RXRA: variants seen among roughly 807,000 people sequenced by gnomAD.
The protein encoded by RXRA is retinoic acid receptor RXR-alpha.
A neutral mutation model predicts 44.5 loss-of-function variants in RXRA; 5 were observed. The observed-to-expected ratio is 0.11, with a 90% CI of 0.06 to 0.24. The LOEUF (loss-of-function observed/expected upper bound fraction) is 0.24, where lower values mean the gene tolerates loss of function less well. RXRA is among the 10% of genes least tolerant of loss of function. RXRA has a pLI of 1.00. For synonymous variants in RXRA, 291 were observed against 271.4 expected (o/e 1.07, Z -0.71); for missense variants, 412 against 646.5 (o/e 0.64, Z 3.93).
chr9:134,424,526 C>T, intron 6 of RXRA: 4 of 985,424 alleles, frequency 4.1e-6, no homozygotes, highest in Non-Finnish European at 3.6e-6. Context: ...AGTCCCAGCC[C>T]CACTACCCAC....
chr9:134,415,899 C>T (rs1439718743), intron 4 of RXRA, among the ~76,000 whole-genome samples: 4 of 152,196 alleles, frequency 2.6e-5, no homozygotes, highest in East Asian at 1.9e-4. Context: ...TCTGGCTCTG[C>T]GGTTTACTCA....
rs1190847980 is a variant in RXRA, at chr9:134,433,960, G to A, written c.1136-142G>A. The A allele has an allele frequency of 2.3e-5, 14 of 614,786 alleles. No homozygotes were observed. The highest frequency in any genetic ancestry group is 1.2e-4 in the South Asian group (6 of 51,140). The allele number at this position is 614,786 out of a possible 1,614,324, so 38.1% of individuals were successfully genotyped here. The stretch of plus-strand genomic sequence containing the variant: ...CCAGGCTCTGGGGGAGCGGGCGGAG[G>A]CATGTCCAGCGGCATTCCTCCACCA... On this transcript the variant is annotated intron_variant, in intron 8 of 9. Transcript: ENST00000481739. This position sits in a 1 kb window ranked among gnomAD's most constrained non-coding sequence, Gnocchi z 4.2.
At chr9:134,372,838 C>G (rs1274284366) in intron 1 of RXRA, among the ~76,000 whole-genome samples, 1 of 152,220 alleles carries the variant, frequency 6.6e-6, no homozygotes, top group East Asian at 1.9e-4. Context: ...GGCGGTAGCT[C>G]AGGCTCTCTG....
At position 134,407,620 on chromosome 9, in the gene RXRA, C is replaced by T. The variant is rs532425525; in HGVS notation, c.280-529C>T. 9.4e-4 allele frequency among the ~76,000 whole-genome samples: 143 copies of T among 152,158 alleles called. No individual in the cohort carries two copies. The highest frequency in any genetic ancestry group is 3.2e-3 in the African/African-American group (134 of 41,510). Reference sequence around the variant, plus strand: ...GTGTCCACTCCCCTCTCCTGGGTCACGTGACCAGGGCCCCTGCCCTGCGGT... The same window carrying T: ...GTGTCCACTCCCCTCTCCTGGGTCATGTGACCAGGGCCCCTGCCCTGCGGT... On this transcript the variant is annotated intron_variant, in intron 2 of 9. Transcript: ENST00000481739. This position sits in a 1 kb window ranked among gnomAD's most constrained non-coding sequence, Gnocchi z 4.8.
intron 1 of RXRA, among the ~76,000 whole-genome samples, chr9:134,360,025 G>C (rs1830329864): frequency 6.6e-6 from 1 of 152,218 alleles, no homozygotes; most frequent in Non-Finnish European, 1.5e-5. Flanking sequence ...GCGGGGAATG[G>C]AGCGGTAACC....
At chr9:134,341,301 A>G (rs1236544585) in intron 1 of RXRA, among the ~76,000 whole-genome samples, 5 of 151,842 alleles carry the variant, frequency 3.3e-5, no homozygotes, top group African/African-American at 1.2e-4. Flanking sequence ...CGGGATTTGA[A>G]CCCAGATTCT....
chr9:134,387,717 C>T (rs1387754009), intron 1 of RXRA, among the ~76,000 whole-genome samples: 2 of 152,214 alleles, frequency 1.3e-5, no homozygotes, highest in Admixed American at 6.5e-5. Flanking sequence ...AAGCAGCAGG[C>T]GTGCGGCGTG....
intron 6 of RXRA, chr9:134,425,712 T>A: frequency 1.0e-6 from 1 of 985,276 alleles, no homozygotes; most frequent in Non-Finnish European, 1.2e-6. Context: ...TGCCCACATC[T>A]CTGGCCCCAG....
chr9:134,420,025 A>G (rs575047124), intron 5 of RXRA, among the ~76,000 whole-genome samples: 10 of 152,142 alleles, frequency 6.6e-5, no homozygotes, highest in South Asian at 2.1e-4. Flanking sequence ...CTTCCTACCC[A>G]TGGCACCAGC....
Position 134,400,386 on chromosome 9 carries a change from C to T in RXRA, c.29-1246C>T, listed in dbSNP as rs73665821. Reference sequence around the variant, plus strand: ...CATAGCCACTCTATGTGTTCATGGTCCTGCTCGACTCCCCAGAAGTGCCTG... The same window carrying T: ...CATAGCCACTCTATGTGTTCATGGTTCTGCTCGACTCCCCAGAAGTGCCTG... On this transcript the variant is annotated intron_variant, in intron 1 of 9. Transcript: ENST00000481739. Among the ~76,000 whole-genome samples, 468 of 152,320 alleles carry T rather than the reference C, an allele frequency of 3.1e-3. 3 individuals are homozygous for T. The highest frequency in any genetic ancestry group is 0.011 in the African/African-American group (437 of 41,578).
chr9:134,360,270 C>G (rs1255789241), intron 1 of RXRA, among the ~76,000 whole-genome samples: 1 of 152,164 alleles, frequency 6.6e-6, no homozygotes, highest in Non-Finnish European at 1.5e-5. Context: ...CTGCCTGAGC[C>G]GGTGACAGGC....
chr9:134,337,715 T>C (rs1160008812), intron 1 of RXRA, among the ~76,000 whole-genome samples: 1 of 152,146 alleles, frequency 6.6e-6, no homozygotes, highest in African/African-American at 2.4e-5. Flanking sequence ...TCCTCACACC[T>C]GTGTCTTCAC....
intron 1 of RXRA, among the ~76,000 whole-genome samples, chr9:134,348,682 GTC>G (rs2119039333): frequency 6.6e-6 from 1 of 152,334 alleles, no homozygotes; most frequent in African/African-American, 2.4e-5. Flanking sequence ...CGTACGCCCT[GTC>G]CTCGGGGTCC....
chr9:134,361,535 T>C (rs1255612707), intron 1 of RXRA, among the ~76,000 whole-genome samples: 1 of 152,020 alleles, frequency 6.6e-6, no homozygotes, highest in African/African-American at 2.4e-5. Flanking sequence ...CCATGGGCAC[T>C]GAGGTGTTGC....
At chr9:134,330,585 T>A (rs1295052855) in intron 1 of RXRA, among the ~76,000 whole-genome samples, 3 of 152,208 alleles carry the variant, frequency 2.0e-5, no homozygotes, top group African/African-American at 4.8e-5. Flanking sequence ...TTTTATAGGG[T>A]GCAGCTCTGT....
At chr9:134,357,815 C>T (rs1444636974) in intron 1 of RXRA, among the ~76,000 whole-genome samples, 2 of 152,192 alleles carry the variant, frequency 1.3e-5, no homozygotes, top group African/African-American at 4.8e-5. Context: ...ATCACGGTTT[C>T]TTCATAAGTT....
Position 134,422,070 on chromosome 9 carries a change from GCTCCCCTCTCCCAGGACA to G in RXRA, c.910+271_910+288del, listed in dbSNP as rs753676958. 2.4e-5 allele frequency: 28 copies of G among 1,148,186 alleles called. No individual in the cohort carries two copies. The South Asian group carries it at 3.9e-4, about 16-fold the overall frequency. The allele number at this position is 1,148,186 out of a possible 1,614,324, so 71.1% of individuals were successfully genotyped here. On this transcript the variant is annotated intron_variant, in intron 6 of 9. Transcript: ENST00000481739. ...CCAGGACGCTCCCCTCTCCCAGGAC[GCTCCCCTCTCCCAGGACA>G]CTCCCGACTCCTGGGACACACTTCT...
rs1417811684 is a variant in RXRA at position 134,349,004 on chromosome 9, C to G, written c.28+22345C>G. ...TGAGACTCGGGAGGGGCTGGCATATCCGAGACCCAGTTCTGTCACTTGCAG... is the reference window on the plus strand; with the variant it reads ...TGAGACTCGGGAGGGGCTGGCATATGCGAGACCCAGTTCTGTCACTTGCAG... On this transcript the variant is annotated intron_variant, in intron 1 of 9. Coordinates refer to ENST00000481739, the MANE Select transcript of RXRA (RefSeq NM_002957.6). The surrounding 1 kb of genome is among the most constrained non-coding windows in gnomAD (Gnocchi z 4.3). 6.6e-6 allele frequency among the ~76,000 whole-genome samples: 1 copy of G among 152,198 alleles called. No individual in the cohort carries two copies. Among genetic ancestry groups the G allele is most frequent in the African/African-American group, 2.4e-5 (1 of 41,442 alleles).
intron 1 of RXRA, among the ~76,000 whole-genome samples, chr9:134,380,724 C>A (rs1830631180): frequency 6.6e-6 from 1 of 152,120 alleles, no homozygotes; most frequent in Non-Finnish European, 1.5e-5. Context: ...TGCAGCTGGC[C>A]ACCGAGCCTC....
Sources: gnomAD v4.1 joint callset for allele counts (sites outside exome capture counted in the v4.1 genomes callset) on GRCh38, gnomAD v4.1.1 for gene constraint, Gnocchi (gnomAD v3.1) non-coding constraint, MANE v1.5 for transcripts, NCBI Gene and HGNC (gene_info 2026-07-23, HGNC 2026-07-21) for gene names.